The following KCNA2 variants were observed in gnomAD, a reference collection of about 807,000 sequenced individuals.
KCNA2 encodes potassium channel, voltage gated shaker related subfamily A, member 2.
In KCNA2, 11 loss-of-function variants were observed where a neutral mutation model predicts 33.4. That is an observed-to-expected ratio of 0.33 (90% confidence interval 0.21 to 0.55). The LOEUF (loss-of-function observed/expected upper bound fraction) is 0.55. Among genes scored for constraint, KCNA2 ranks in the 20% least tolerant of loss-of-function variants. The pLI is 0.93. For synonymous variants in KCNA2, 222 were observed against 231.3 expected, an observed-to-expected ratio of 0.96 and a Z score of 0.37; for missense variants, 291 against 621.6, an observed-to-expected ratio of 0.47 and a Z score of 5.66.
rs576338073 is a variant in KCNA2, at chr1:110,598,998, T to G, written c.*4285A>C. The G allele has an allele frequency of 3.8e-5, 37 of 985,410 alleles. No homozygotes were observed. Among genetic ancestry groups the G allele is most frequent in the Non-Finnish European group, 4.5e-5 (37 of 829,930 alleles). 61.0% of individuals were successfully genotyped at this position (985,410 alleles called of 1,614,324 possible). A position where few individuals can be genotyped will look rare whatever the true frequency, so the allele number is the denominator to read the frequency against. On this transcript the variant is annotated 3_prime_UTR_variant, in exon 3 of 3. Transcript: ENST00000316361. ...AGGCACTTGATGAAGCCAACAGGAA[T>G]GGTACCTTGACCTGGAAACACAAGT... is the stretch of plus-strand genomic sequence containing the variant.
At position 110,602,055 on chromosome 1, in the gene KCNA2, C is replaced by T. The variant is rs1460773760; in HGVS notation, c.*1228G>A. On this transcript the variant is annotated 3_prime_UTR_variant, in exon 3 of 3. Transcript: ENST00000316361. ...CTGCCTGTCATCAGGACCAGATGCC[C>T]TGGTCCACTGTACAGTCATGCCCGC... 6.4e-7 allele frequency: 1 copy of T among 1,550,480 alleles called. No homozygotes were observed. Among genetic ancestry groups the T allele is most frequent in the Non-Finnish European group, 8.7e-7 (1 of 1,146,992 alleles).
At chr1:110,625,207 T>C (rs1650360260) in intron 1 of KCNA2, among the ~76,000 whole-genome samples, 1 of 152,220 alleles carries the variant, frequency 6.6e-6, no homozygotes, top group African/African-American at 2.4e-5. Context: ...TTATTTGTAA[T>C]GGGTAGGGAA....
rs372364243 is a variant in KCNA2 at position 110,630,009 on chromosome 1, C to CTTT, written c.-496+1383_-496+1385dup. 1.9e-3 allele frequency among the ~76,000 whole-genome samples: 222 copies of CTTT among 115,130 alleles called. 3 individuals are homozygous for CTTT. Among genetic ancestry groups the CTTT allele is most frequent in the Non-Finnish European group, 2.4e-3 (140 of 58,356 alleles). 75.5% of individuals were successfully genotyped at this position (115,130 alleles called of 152,430 possible). On this transcript the variant is annotated intron_variant, in intron 1 of 4. Coordinates refer to the KCNA2 transcript ENST00000369770. Reference sequence around the variant, plus strand: ...AGTTAACATCTCTAAGTGCTCTGTACTTTTTTTTTTTTTTTTTTTTTTTGA... The same window carrying CTTT: ...AGTTAACATCTCTAAGTGCTCTGTACTTTTTTTTTTTTTTTTTTTTTTTTTTGA...
At chr1:110,612,941 G>T (rs893440871) in intron 1 of KCNA2, among the ~76,000 whole-genome samples, 1 of 152,216 alleles carries the variant, frequency 6.6e-6, no homozygotes, top group Admixed American at 6.5e-5. Flanking sequence ...CCATTCACAT[G>T]ACCTTAGGTG....
chr1:110,598,611 C>A lies in KCNA2; in HGVS notation c.*4672G>T. 2 of 985,306 alleles carry A rather than the reference C, an allele frequency of 2.0e-6. No homozygotes were observed. The highest frequency in any genetic ancestry group is 1.2e-6 in the Non-Finnish European group (1 of 829,956). 61.0% of individuals were successfully genotyped at this position (985,306 alleles called of 1,614,324 possible). On this transcript the variant is annotated 3_prime_UTR_variant, in exon 3 of 3. Coordinates refer to ENST00000316361, the MANE Select transcript of KCNA2 (RefSeq NM_004974.4). Reference sequence around the variant, plus strand: ...TGAACACCCAGGCTGGGGTCTCAGGCCATCATAGCTTCCATGGGAGCCCTT... The same window carrying A: ...TGAACACCCAGGCTGGGGTCTCAGGACATCATAGCTTCCATGGGAGCCCTT...
At chr1:110,611,277 A>G (rs976822743), upstream of KCNA2, among the ~76,000 whole-genome samples, 4 of 152,160 alleles carry the variant, frequency 2.6e-5, no homozygotes, top group Non-Finnish European at 5.9e-5. Flanking sequence ...ACTCCAGCCC[A>G]CTACTTACCT....
chr1:110,623,928 A>C (rs1411967343), intron 1 of KCNA2, among the ~76,000 whole-genome samples: 3 of 152,148 alleles, frequency 2.0e-5, no homozygotes, highest in Admixed American at 6.5e-5. Flanking sequence ...AAGCCAAAAA[A>C]AAAAAAAGAG....
Position 110,602,726 on chromosome 1 carries a change from A to G in KCNA2, c.*557T>C. The G allele has an allele frequency of 1.0e-6, 1 of 993,258 alleles. No homozygotes were observed. The highest frequency in any genetic ancestry group is 1.2e-6 in the Non-Finnish European group (1 of 835,084). The allele number at this position is 993,258 out of a possible 1,614,324, so 61.5% of individuals were successfully genotyped here. On this transcript the variant is annotated 3_prime_UTR_variant, in exon 3 of 3. Coordinates refer to ENST00000316361, the MANE Select transcript of KCNA2 (RefSeq NM_004974.4). ...TTTCCGTTATGAAACACAAGCCTCC[A>G]GAGCATCTACTTGGCAACTGCAATT...
At chr1:110,630,313 A>G (rs1318610921) in intron 1 of KCNA2, among the ~76,000 whole-genome samples, 1 of 151,734 alleles carries the variant, frequency 6.6e-6, no homozygotes, top group South Asian at 2.1e-4. Context: ...GAGCCACCAC[A>G]CCCGGCCAGT....
chr1:110,603,344 G>A lies in KCNA2; in HGVS notation c.1439C>T (p.Ala480Val), dbSNP rs1286780370. 5 of 1,613,618 alleles carry A rather than the reference G, an allele frequency of 3.1e-6. No individual in the cohort carries two copies. The East Asian group carries it at 6.7e-5, about 22-fold the overall frequency. ...GTTTGTGTTAGCCAAGGTACAGTTG[G>A]CTGTTTTCAAGTTTTCCTCTCTAAA... ...EDFREENLKTANCTLANTNYV... is the reference protein window; with the variant it reads ...EDFREENLKTVNCTLANTNYV... Residue 480 changes from alanine (A) to valine (V), a missense_variant, in exon 3 of 3, where the codon GCC (alanine) becomes GTC (valine). Coordinates refer to ENST00000316361, the MANE Select transcript of KCNA2 (RefSeq NM_004974.4). The surrounding 1 kb of genome is among the most constrained non-coding windows in gnomAD (Gnocchi z 5.7).
In KCNA2 at chr1:110,602,918, G is replaced by A. The variant is rs2101392298; in HGVS notation, c.*365C>T. 2 of 1,049,344 alleles carry A rather than the reference G, an allele frequency of 1.9e-6. No homozygotes were observed. Among genetic ancestry groups the A allele is most frequent in the East Asian group, 8.3e-5 (1 of 12,112 alleles). 65.0% of individuals were successfully genotyped at this position (1,049,344 alleles called of 1,614,324 possible). A position where few individuals can be genotyped will look rare whatever the true frequency, so the allele number is the denominator to read the frequency against. On this transcript the variant is annotated 3_prime_UTR_variant, in exon 3 of 3. Transcript: ENST00000316361. ...CAGGTGGGCTCAAATAAGGTGGTGG[G>A]ATGGTGGGGAGGGGAGTGCATCTCT...
Position 110,602,184 on chromosome 1 carries a change from C to G in KCNA2, c.*1099G>C, listed in dbSNP as rs1260142008. 1.9e-5 allele frequency: 29 copies of G among 1,550,168 alleles called. No homozygotes were observed. Among genetic ancestry groups the G allele is most frequent in the Non-Finnish European group, 2.4e-5 (28 of 1,146,986 alleles). On this transcript the variant is annotated 3_prime_UTR_variant, in exon 3 of 3. Transcript: ENST00000316361. ...AGGTCTGCGTTCCTGTTTAGAAGAA[C>G]AGGGATAGGTAGGCTGGGGGGCCAG... is the stretch of plus-strand genomic sequence containing the variant.
intron 1 of KCNA2, among the ~76,000 whole-genome samples, chr1:110,618,567 G>C (rs1650147011): frequency 1.4e-4 from 21 of 152,166 alleles, no homozygotes; most frequent in Admixed American, 1.4e-3. Context: ...AAAGACCCAG[G>C]AGAGCCACGA....
intron 1 of KCNA2, among the ~76,000 whole-genome samples, chr1:110,622,404 G>A (rs1650281945): frequency 6.6e-6 from 1 of 152,072 alleles, no homozygotes; most frequent in African/African-American, 2.4e-5. Flanking sequence ...AATGATGAAA[G>A]ACGGAATGCT....
At chr1:110,620,655 A>G (rs1477254528) in intron 1 of KCNA2, among the ~76,000 whole-genome samples, 1 of 152,096 alleles carries the variant, frequency 6.6e-6, no homozygotes, top group Non-Finnish European at 1.5e-5. Context: ...TGCAGGGTGG[A>G]GAGAGTGCTA....
Position 110,595,482 on chromosome 1 carries a change from AC to A in KCNA2, c.*7800del. On this transcript the variant is annotated 3_prime_UTR_variant, in exon 3 of 3. Transcript: ENST00000316361. ...CTGTGGGTGTGGGGAGATGGCAGAC[AC>A]CCCTGCACCACTTCAATTGCTCCAG... is the stretch of plus-strand genomic sequence containing the variant. 1 of 985,304 alleles carries A rather than the reference AC, an allele frequency of 1.0e-6. No homozygotes were observed. The highest frequency in any genetic ancestry group is 1.2e-6 in the Non-Finnish European group (1 of 829,916). 61.0% of individuals were successfully genotyped at this position (985,304 alleles called of 1,614,324 possible).
chr1:110,604,898 G>T lies in KCNA2; in HGVS notation c.-116C>A. ...AGGAGCATTGGCCTGGTCTCCTGCA[G>T]GAGAGCCCCGAGAGCTCTCTGAGAG... On this transcript the variant is annotated 5_prime_UTR_variant, in exon 3 of 3. It adds an upstream start codon to the 5' untranslated region. Transcript: ENST00000316361. This position sits in a 1 kb window ranked among gnomAD's most constrained non-coding sequence, Gnocchi z 7.6. The T allele has an allele frequency of 1.0e-6, 1 of 971,162 alleles. No individual in the cohort carries two copies. 60.2% of individuals were successfully genotyped at this position (971,162 alleles called of 1,614,324 possible). A position where few individuals can be genotyped will look rare whatever the true frequency, so the allele number is the denominator to read the frequency against.
At chr1:110,614,146 A>G (rs554009599) in intron 1 of KCNA2, among the ~76,000 whole-genome samples, 42 of 152,314 alleles carry the variant, frequency 2.8e-4, no homozygotes, top group African/African-American at 9.4e-4. Context: ...TACAAAGTTG[A>G]AAACAGTGGC....
At position 110,597,905 on chromosome 1, in the gene KCNA2, T is replaced by C; in HGVS notation, c.*5378A>G. 1.0e-6 allele frequency: 1 copy of C among 985,382 alleles called. No individual in the cohort carries two copies. Among genetic ancestry groups the C allele is most frequent in the Non-Finnish European group, 1.2e-6 (1 of 829,934 alleles). 61.0% of individuals were successfully genotyped at this position (985,382 alleles called of 1,614,324 possible). ...AAAAGGAAAAGTAAACTAGGTTAGTTTGAGGAAGAGAACCTTCCTGCATGT... is the reference window on the plus strand; with the variant it reads ...AAAAGGAAAAGTAAACTAGGTTAGTCTGAGGAAGAGAACCTTCCTGCATGT... On this transcript the variant is annotated 3_prime_UTR_variant, in exon 3 of 3. Transcript: ENST00000316361.
Sources: gnomAD v4.1 joint callset for allele counts (sites outside exome capture counted in the v4.1 genomes callset) on GRCh38, gnomAD v4.1.1 for gene constraint, Gnocchi (gnomAD v3.1) non-coding constraint, MANE v1.5 for transcripts, NCBI Gene and HGNC (gene_info 2026-07-23, HGNC 2026-07-21) for gene names.